The following GRM8 variants were observed in gnomAD, a reference collection of about 807,000 sequenced individuals.
GRM8 encodes metabotropic glutamate receptor 8.
In GRM8, 47 loss-of-function variants were observed where a neutral mutation model predicts 87.2. The ratio of observed to expected loss-of-function variants is 0.54; its 90% CI spans 0.43 to 0.69. The LOEUF is 0.69. Ranked by LOEUF, GRM8 falls within the 30% of genes least tolerant of loss-of-function variation. The probability of loss-of-function intolerance (pLI) is 0.00; values close to 1 mark genes in which losing one functional copy is unlikely to be tolerated. For synonymous variants in GRM8, 396 were observed against 404.5 expected (o/e 0.98, Z 0.25); for missense variants, 1,019 against 1,139.2 (o/e 0.89, Z 1.52).
At chr7:126,492,844 A>G (rs1808189473) in intron 9 of GRM8, among the ~76,000 whole-genome samples, 1 of 152,070 alleles carries the variant, frequency 6.6e-6, no homozygotes, top group Non-Finnish European at 1.5e-5. Context: ...TCAAAATGGT[A>G]ACATAAGCAG....
chr7:126,517,177 G>GTT (rs2150772472), intron 9 of GRM8, among the ~76,000 whole-genome samples: 1 of 152,180 alleles, frequency 6.6e-6, no homozygotes. Context: ...AGGTACTATA[G>GTT]TTACTGCAGA....
intron 8 of GRM8, among the ~76,000 whole-genome samples, chr7:126,568,822 A>G (rs75735505): frequency 4.6e-5 from 7 of 152,258 alleles, no homozygotes; most frequent in African/African-American, 1.7e-4. Flanking sequence ...CAGCATTGTG[A>G]CAATTGTTTG....
At chr7:127,242,042 A>G (rs1798334559) in intron 2 of GRM8, among the ~76,000 whole-genome samples, 1 of 152,206 alleles carries the variant, frequency 6.6e-6, no homozygotes, top group Non-Finnish European at 1.5e-5. Flanking sequence ...CCAAACCTAA[A>G]TCAAAAAGTC....
intron 3 of GRM8, among the ~76,000 whole-genome samples, chr7:127,077,178 G>A (rs1356932137): frequency 6.6e-6 from 1 of 152,156 alleles, no homozygotes; most frequent in Non-Finnish European, 1.5e-5. Context: ...CAGGGCAACT[G>A]TGCTGGAATA....
At chr7:127,010,961 A>G (rs1320089506) in intron 3 of GRM8, among the ~76,000 whole-genome samples, 1 of 152,116 alleles carries the variant, frequency 6.6e-6, no homozygotes, top group African/African-American at 2.4e-5. Flanking sequence ...GAGGAAAGTA[A>G]TTATTAAATA....
At chr7:126,579,505 G>C (rs1408708273) in intron 8 of GRM8, among the ~76,000 whole-genome samples, 1 of 152,144 alleles carries the variant, frequency 6.6e-6, no homozygotes, top group East Asian at 1.9e-4. Context: ...CTCAACACTG[G>C]AATAGTGACA....
intron 7 of GRM8, among the ~76,000 whole-genome samples, chr7:126,671,966 A>G (rs1806430373): frequency 6.6e-6 from 1 of 152,158 alleles, no homozygotes; most frequent in African/African-American, 2.4e-5. Context: ...ACTCAATTCC[A>G]AGCTTCAGAT....
At chr7:126,760,006 A>G (rs1817427740) in intron 7 of GRM8, among the ~76,000 whole-genome samples, 1 of 152,172 alleles carries the variant, frequency 6.6e-6, no homozygotes. Context: ...GAAAAAATAC[A>G]AACTATTAGA....
At chr7:127,247,880 T>C (rs867845846) in intron 1 of GRM8, among the ~76,000 whole-genome samples, 1 of 152,168 alleles carries the variant, frequency 6.6e-6, no homozygotes, top group Non-Finnish European at 1.5e-5. Flanking sequence ...TGTTTGCAAG[T>C]TGAGTGACTT....
chr7:126,954,467 C>A (rs184524897), intron 3 of GRM8, among the ~76,000 whole-genome samples: 1 of 152,056 alleles, frequency 6.6e-6, no homozygotes, highest in Non-Finnish European at 1.5e-5. Flanking sequence ...ATGTCCCAGG[C>A]GATATTTGGG....
chr7:127,072,244 A>G (rs115018498), intron 3 of GRM8, among the ~76,000 whole-genome samples: 1 of 152,128 alleles, frequency 6.6e-6, no homozygotes, highest in South Asian at 2.1e-4. Flanking sequence ...TCATACTTGC[A>G]TTTGAGGGTG....
At chr7:126,976,654 T>A (rs1018662259) in intron 3 of GRM8, among the ~76,000 whole-genome samples, 1 of 152,090 alleles carries the variant, frequency 6.6e-6, no homozygotes, top group African/African-American at 2.4e-5. Flanking sequence ...TAACAAAAAA[T>A]GGTCTTATGT....
intron 7 of GRM8, among the ~76,000 whole-genome samples, chr7:126,740,563 T>C (rs940949020): frequency 6.6e-6 from 1 of 152,082 alleles, no homozygotes; most frequent in Non-Finnish European, 1.5e-5. Flanking sequence ...CAAAAGGTGG[T>C]CCCAAGTCAC....
At chr7:126,620,372 G>A (rs1027090461) in intron 7 of GRM8, among the ~76,000 whole-genome samples, 4 of 152,136 alleles carry the variant, frequency 2.6e-5, no homozygotes, top group African/African-American at 4.8e-5. Context: ...TACTCATCAG[G>A]TGCTACCCTT....
intron 8 of GRM8, among the ~76,000 whole-genome samples, chr7:126,548,893 A>G (rs1289845957): frequency 6.6e-6 from 1 of 152,220 alleles, no homozygotes; most frequent in Non-Finnish European, 1.5e-5. Flanking sequence ...AATCATAAGT[A>G]TAAATAAATT....
At chr7:127,085,554 T>C (rs991061322) in intron 3 of GRM8, among the ~76,000 whole-genome samples, 4 of 152,270 alleles carry the variant, frequency 2.6e-5, no homozygotes, top group African/African-American at 9.6e-5. Flanking sequence ...ATTTCTCTGA[T>C]GACCAGTGAT....
At chr7:127,186,390 A>C (rs1317248898) in intron 2 of GRM8, among the ~76,000 whole-genome samples, 1 of 152,156 alleles carries the variant, frequency 6.6e-6, no homozygotes, top group Non-Finnish European at 1.5e-5. Flanking sequence ...TATGGTCTAC[A>C]TTAAGGGATC....
chr7:127,061,776 G>A (rs1820615923), intron 3 of GRM8, among the ~76,000 whole-genome samples: 1 of 152,178 alleles, frequency 6.6e-6, no homozygotes, highest in Non-Finnish European at 1.5e-5. Context: ...ATTCAGGCCT[G>A]CAGATGCTAA....
chr7:127,092,091 T>C (rs1824194864), intron 3 of GRM8, among the ~76,000 whole-genome samples: 1 of 140,150 alleles, frequency 7.1e-6, no homozygotes, highest in South Asian at 2.5e-4. Context: ...CCACTGGTCA[T>C]TCCCCCGTTC....
Sources: allele counts gnomAD v4.1 joint callset (sites outside exome capture counted in the v4.1 genomes callset), GRCh38; gene constraint gnomAD v4.1.1; transcripts MANE v1.5; gene names NCBI Gene and HGNC (gene_info 2026-07-23, HGNC 2026-07-21).